Variants in BMPR1B observed in about 807,000 individuals in gnomAD.
The protein encoded by BMPR1B is bone morphogenetic protein receptor type-1B.
Under a neutral mutation model 59.1 loss-of-function variants are expected in BMPR1B, and 12 were observed. That is an observed-to-expected ratio of 0.20 (90% CI 0.13 to 0.33). The LOEUF (loss-of-function observed/expected upper bound fraction) is 0.33. Among genes scored for constraint, BMPR1B ranks in the 10% least tolerant of loss-of-function variants. BMPR1B has a pLI of 1.00. For synonymous variants in BMPR1B, 237 were observed against 207.3 expected, an observed-to-expected ratio of 1.14 and a Z score of -1.23; for missense variants, 550 against 610.9, an observed-to-expected ratio of 0.90 and a Z score of 1.05.
At chr4:94,903,870 A>C (rs905599997) in intron 2 of BMPR1B, among the ~76,000 whole-genome samples, 2 of 152,008 alleles carry the variant, frequency 1.3e-5, no homozygotes, top group African/African-American at 4.8e-5. Context: ...CCCTGTGGAC[A>C]CCTTGATCCC....
intron 2 of BMPR1B, among the ~76,000 whole-genome samples, chr4:94,948,080 C>G (rs1729786550): frequency 6.6e-6 from 1 of 152,216 alleles, no homozygotes; most frequent in South Asian, 2.1e-4. Flanking sequence ...TGACACACAT[C>G]AGACAGGGTG....
At chr4:94,906,208 G>A (rs1394876577) in intron 2 of BMPR1B, among the ~76,000 whole-genome samples, 3 of 151,774 alleles carry the variant, frequency 2.0e-5, no homozygotes, top group African/African-American at 7.3e-5. Flanking sequence ...TGATATATTG[G>A]GTAAGTCAGC....
intron 7 of BMPR1B, 148 bp downstream of exon 7, chr4:95,124,054 G>T: frequency 1.6e-6 from 1 of 628,122 alleles, no homozygotes; most frequent in Non-Finnish European, 2.8e-6. Flanking sequence ...TGTTACTGTT[G>T]ATAAATATTT....
intron 8 of BMPR1B, among the ~76,000 whole-genome samples, chr4:95,126,202 A>G (rs1732892072): frequency 6.6e-6 from 1 of 152,132 alleles, no homozygotes; most frequent in Admixed American, 6.6e-5. Context: ...CTTTTGGTGG[A>G]GTCTGTCCTC....
intron 2 of BMPR1B, among the ~76,000 whole-genome samples, chr4:94,957,327 T>G (rs1730177201): frequency 7.1e-6 from 1 of 140,310 alleles, no homozygotes; most frequent in Non-Finnish European, 1.5e-5. Flanking sequence ...CCACCTCCTG[T>G]TTCGTGTTTT....
At chr4:94,859,312 C>T (rs142769291) in intron 1 of BMPR1B, among the ~76,000 whole-genome samples, 3 of 152,164 alleles carry the variant, frequency 2.0e-5, no homozygotes, top group African/African-American at 2.4e-5. Context: ...AAAAAACTTC[C>T]GTCTTTTAAA....
chr4:94,976,718 T>C (rs549969598), intron 2 of BMPR1B, among the ~76,000 whole-genome samples: 159 of 152,244 alleles, frequency 1.0e-3, no homozygotes, highest in African/African-American at 3.6e-3. Flanking sequence ...AAACATTCAA[T>C]GGTGGGGCAA....
At chr4:94,945,149 G>T (rs1391002197) in intron 2 of BMPR1B, among the ~76,000 whole-genome samples, 1 of 152,134 alleles carries the variant, frequency 6.6e-6, no homozygotes, top group Non-Finnish European at 1.5e-5. Flanking sequence ...TTTACCTCTT[G>T]CTCAGTATAA....
At chr4:94,845,739 T>C (rs1217819705) in intron 1 of BMPR1B, among the ~76,000 whole-genome samples, 1 of 152,226 alleles carries the variant, frequency 6.6e-6, no homozygotes, top group Non-Finnish European at 1.5e-5. Context: ...ATCTCTTATT[T>C]ATATCTTCTG....
intron 2 of BMPR1B, among the ~76,000 whole-genome samples, chr4:94,967,304 C>A (rs1024477058): frequency 6.6e-6 from 1 of 152,158 alleles, no homozygotes; most frequent in Non-Finnish European, 1.5e-5. Flanking sequence ...AGGCTGCATA[C>A]AACCATAGCC....
intron 2 of BMPR1B, among the ~76,000 whole-genome samples, chr4:94,905,815 G>A (rs1193564349): frequency 6.6e-6 from 1 of 151,622 alleles, no homozygotes; most frequent in East Asian, 1.9e-4. Context: ...GATTTTCTTT[G>A]CATTTACTTC....
intron 2 of BMPR1B, among the ~76,000 whole-genome samples, chr4:94,902,249 C>G (rs10028220): frequency 0.044 from 2,996 of 68,684 alleles, 115 homozygotes; most frequent in East Asian, 0.13. Flanking sequence ...CACACACACA[C>G]AGAGAGAGAG....
In BMPR1B at chr4:94,782,831, C is replaced by G. The variant is rs549665312; in HGVS notation, c.-183+24763C>G. On this transcript the variant is annotated intron_variant, in intron 1 of 12. Coordinates refer to ENST00000515059, the MANE Select transcript of BMPR1B (RefSeq NM_001203.3). Reference sequence around the variant, plus strand: ...AGTTTCTGGTGCCTGCTTTAATTCCCTGTATATTGGTCTCATTTCCCTGTT... The same window carrying G: ...AGTTTCTGGTGCCTGCTTTAATTCCGTGTATATTGGTCTCATTTCCCTGTT... Among the ~76,000 whole-genome samples, 269 of 152,262 alleles carry G rather than the reference C, an allele frequency of 1.8e-3. 1 individual carries two copies. The highest frequency in any genetic ancestry group is 6.2e-3 in the African/African-American group (259 of 41,536).
intron 6 of BMPR1B, among the ~76,000 whole-genome samples, chr4:95,119,086 A>C (rs909825793): frequency 6.6e-6 from 1 of 152,196 alleles, no homozygotes; most frequent in Non-Finnish European, 1.5e-5. Context: ...AGTCTTAGTA[A>C]AATTATATCA....
At chr4:94,925,963 TCCTC>T (rs924536146) in intron 2 of BMPR1B, among the ~76,000 whole-genome samples, 2 of 151,144 alleles carry the variant, frequency 1.3e-5, no homozygotes, top group African/African-American at 4.9e-5. Context: ...TCTCCTTCCT[TCCTC>T]CCCTCCTCCC....
chr4:94,821,488 ATC>A (rs1187265032), intron 1 of BMPR1B, among the ~76,000 whole-genome samples: 1 of 152,122 alleles, frequency 6.6e-6, no homozygotes, highest in Non-Finnish European at 1.5e-5. Context: ...TTAAACTCTA[ATC>A]TCAAAATTCA....
At chr4:94,774,012 A>G (rs1334100470) in intron 1 of BMPR1B, among the ~76,000 whole-genome samples, 3 of 151,988 alleles carry the variant, frequency 2.0e-5, no homozygotes, top group African/African-American at 7.2e-5. Context: ...CGTGCTTATT[A>G]TTTTCAGGTT....
chr4:94,827,832 A>C (rs557622620), intron 1 of BMPR1B, among the ~76,000 whole-genome samples: 82 of 152,358 alleles, frequency 5.4e-4, no homozygotes, highest in Middle Eastern at 6.8e-3. Flanking sequence ...GGATGAGTAT[A>C]AAAGTTTTCA....
At chr4:94,967,437 C>T (rs528861940) in intron 2 of BMPR1B, among the ~76,000 whole-genome samples, 3 of 152,028 alleles carry the variant, frequency 2.0e-5, no homozygotes, top group South Asian at 2.1e-4. Context: ...TTATAGATTT[C>T]CCTTTCCTCT....
Sources: gnomAD v4.1 joint callset for allele counts (sites outside exome capture counted in the v4.1 genomes callset) on GRCh38, gnomAD v4.1.1 for gene constraint, MANE v1.5 for transcripts, NCBI Gene and HGNC (gene_info 2026-07-23, HGNC 2026-07-21) for gene names.